The following ABCB11 variants were observed in gnomAD, a reference collection of about 807,000 sequenced individuals.
ABCB11 encodes the protein ATP binding cassette subfamily B member 11, also known as bile salt export pump.
ABCB11 carries 95 observed loss-of-function variants against 148.0 expected under a neutral mutation model. The ratio of observed to expected loss-of-function variants is 0.64; its 90% CI spans 0.54 to 0.76. The LOEUF (loss-of-function observed/expected upper bound fraction) is 0.76. ABCB11 is among the 30% of genes least tolerant of loss of function. The pLI, the probability that ABCB11 is intolerant of heterozygous loss-of-function variation, is 0.00. For synonymous variants in ABCB11, 591 were observed against 555.4 expected, an observed-to-expected ratio of 1.06 and a Z score of -0.90; for missense variants, 1,523 against 1,617.8, an observed-to-expected ratio of 0.94 and a Z score of 1.01.
At chr2:169,006,998 T>C (rs996299625) in intron 5 of ABCB11, among the ~76,000 whole-genome samples, 2 of 152,164 alleles carry the variant, frequency 1.3e-5, no homozygotes, top group African/African-American at 4.8e-5. Flanking sequence ...ATTCCTAGCA[T>C]TCTAGCTGAC....
intron 17 of ABCB11, 119 bp downstream of exon 17, chr2:168,968,308 C>A (rs1693406148): frequency 4.6e-6 from 4 of 873,400 alleles, no homozygotes; most frequent in Non-Finnish European, 7.4e-6. Context: ...TTTGACAAGA[C>A]CTGGCAGTCT....
At chr2:169,015,033 G>A (rs2389603) in intron 3 of ABCB11, among the ~76,000 whole-genome samples, 14,924 of 151,916 alleles carry the variant, frequency 0.098, 1,246 homozygotes, top group African/African-American at 0.23. Context: ...TCATTTTCTC[G>A]CTTCCTTCCT....
intron 5 of ABCB11, among the ~76,000 whole-genome samples, chr2:168,997,735 G>A (rs1047799104): frequency 6.6e-6 from 1 of 151,836 alleles, no homozygotes; most frequent in Non-Finnish European, 1.5e-5. Context: ...CTCAGGTCAA[G>A]CATTGCAACA....
chr2:168,973,730 G>C lies in ABCB11; in HGVS notation c.1419C>G (p.Asp473Glu). 6.2e-7 allele frequency: 1 copy of C among 1,611,942 alleles called. No individual in the cohort carries two copies. The highest frequency in any genetic ancestry group is 8.5e-7 in the Non-Finnish European group (1 of 1,178,470). The change falls in exon 13 of 28, where the codon GAC becomes GAG. Residue 473 changes from aspartate (D) to glutamate (E), a missense_variant. Asp to Glu is a conservative substitution (Grantham distance 45). Coordinates refer to ENST00000650372, the MANE Select transcript of ABCB11 (RefSeq NM_003742.4). ...TALQLIQRFY[D>E]PCEGMVTVDG... The stretch of plus-strand genomic sequence containing the variant: ...AGACACCCACCATTCCTTCACAGGG[G>C]TCATAGAATCGCTGAATGAGTTGCA...
chr2:169,011,587 T>C (rs1270039556), intron 5 of ABCB11, among the ~76,000 whole-genome samples: 2 of 152,202 alleles, frequency 1.3e-5, no homozygotes, highest in Non-Finnish European at 2.9e-5. Flanking sequence ...TTCTGTCAGG[T>C]ACCTCCAAGT....
At chr2:169,011,025 G>T (rs1695169279) in intron 5 of ABCB11, among the ~76,000 whole-genome samples, 1 of 152,180 alleles carries the variant, frequency 6.6e-6, no homozygotes, top group African/African-American at 2.4e-5. Context: ...CAGTAACAAT[G>T]AAGACAGTGA....
chr2:168,963,432 T>C (rs559843698), intron 18 of ABCB11, among the ~76,000 whole-genome samples: 16 of 151,780 alleles, frequency 1.1e-4, no homozygotes, highest in Admixed American at 8.5e-4. Flanking sequence ...GGTAGGGGAA[T>C]GAACGTAAAA....
rs759338636 is a variant in ABCB11, at chr2:169,013,260, A to G, written c.389+12T>C. 6 of 1,579,220 alleles carry G rather than the reference A, an allele frequency of 3.8e-6. No individual in the cohort carries two copies. The highest frequency in any genetic ancestry group is 5.2e-6 in the Non-Finnish European group (6 of 1,161,502). On this transcript the variant is annotated intron_variant, in intron 5 of 27. Coordinates refer to ENST00000650372, the MANE Select transcript of ABCB11 (RefSeq NM_003742.4). ...GCAAAAAAGTAAAAAATTAAAAACA[A>G]AAACAACCTACCCACAACGTGTTCC...
chr2:169,026,327 G>A (rs1316901826), intron 1 of ABCB11, among the ~76,000 whole-genome samples: 1 of 152,116 alleles, frequency 6.6e-6, no homozygotes, highest in Non-Finnish European at 1.5e-5. Context: ...ATGCCAAGGA[G>A]CTATACTTCA....
At chr2:168,926,867 G>C (rs1404734462) in intron 26 of ABCB11, among the ~76,000 whole-genome samples, 1 of 152,076 alleles carries the variant, frequency 6.6e-6, no homozygotes, top group Non-Finnish European at 1.5e-5. Flanking sequence ...CAAAATTCCT[G>C]TTTCTTATCT....
downstream of ABCB11, among the ~76,000 whole-genome samples, chr2:168,919,721 C>T (rs1213921768): frequency 6.6e-6 from 1 of 152,078 alleles, no homozygotes; most frequent in Non-Finnish European, 1.5e-5. Flanking sequence ...TTAGACCTCT[C>T]TCATTCTTGA....
rs763299142 is a variant in ABCB11, at chr2:168,995,520, T to C, written c.478-38A>G. 5.4e-5 allele frequency: 86 copies of C among 1,578,930 alleles called. No individual in the cohort carries two copies. In the Middle Eastern group the frequency reaches 6.7e-4, roughly 12 times the overall value. On this transcript the variant is annotated intron_variant, in intron 6 of 27. Coordinates refer to ENST00000650372, the MANE Select transcript of ABCB11 (RefSeq NM_003742.4). ...AAAGGAATGTTTAGCATTGCAATGT[T>C]TGAAATATTTGTTAATTTCTTTTTT...
chr2:168,954,182 T>C (rs1456264375), intron 19 of ABCB11, among the ~76,000 whole-genome samples: 1 of 151,664 alleles, frequency 6.6e-6, no homozygotes, highest in African/African-American at 2.4e-5. Context: ...GTCATATTGC[T>C]GATTGTTTTC....
intron 27 of ABCB11, 98 bp from the exon 28 acceptor site, chr2:168,923,920 A>G (rs1422664722): frequency 2.5e-6 from 3 of 1,178,180 alleles, no homozygotes; most frequent in Non-Finnish European, 3.7e-6. Context: ...TAACAATCCT[A>G]TACTTGACGG....
intron 3 of ABCB11, 62 bp from the exon 4 acceptor site, chr2:169,014,416 T>C: frequency 2.0e-6 from 3 of 1,487,010 alleles, no homozygotes; most frequent in Non-Finnish European, 2.8e-6. Flanking sequence ...AAATTCTCCC[T>C]AGGTGGTGAT....
At chr2:169,014,214 C>G in intron 4 of ABCB11, 89 bp downstream of exon 4, 5 of 1,315,370 alleles carry the variant, frequency 3.8e-6, no homozygotes, top group Non-Finnish European at 5.5e-6. Flanking sequence ...AAAAACCTGC[C>G]AATATGACTA....
intron 10 of ABCB11, among the ~76,000 whole-genome samples, chr2:168,985,531 T>C (rs1226082063): frequency 6.6e-6 from 1 of 152,018 alleles, no homozygotes; most frequent in Non-Finnish European, 1.5e-5. Flanking sequence ...ATAAAGAAAC[T>C]GTGATATATA....
chr2:168,944,548 C>G, intron 21 of ABCB11, 57 bp downstream of exon 21: 1 of 1,508,348 alleles, frequency 6.6e-7, no homozygotes, highest in South Asian at 1.3e-5. Flanking sequence ...TCAGAATGCT[C>G]TAATGAAAGA....
rs58414999 is a variant in ABCB11 at position 168,921,863 on chromosome 2, C to CTTTTTTTTTTTT, written c.*1747_*1758dup. On this transcript the variant is annotated 3_prime_UTR_variant, in exon 28 of 28. Coordinates refer to ENST00000650372, the MANE Select transcript of ABCB11 (RefSeq NM_003742.4). ...CTTGACCTCTTTTCTTTTTCTTTTT[C>CTTTTTTTTTTTT]TTTTTTTTTTTTTTTCGCTCTGTCG... 8.1e-6 allele frequency among the ~76,000 whole-genome samples: 1 copy of CTTTTTTTTTTTT among 123,900 alleles called. No homozygotes were observed. Among genetic ancestry groups the CTTTTTTTTTTTT allele is most frequent in the Non-Finnish European group, 1.7e-5 (1 of 59,570 alleles). 81.3% of individuals were successfully genotyped at this position (123,900 alleles called of 152,430 possible).
Sources: allele counts gnomAD v4.1 joint callset (sites outside exome capture counted in the v4.1 genomes callset), GRCh38; gene constraint gnomAD v4.1.1; transcripts MANE v1.5; gene names NCBI Gene and HGNC (gene_info 2026-07-23, HGNC 2026-07-21).